Variants in PLXNB2 observed in about 807,000 individuals in gnomAD.
PLXNB2 encodes plexin B2.
PLXNB2 carries 85 observed loss-of-function variants against 202.6 expected under a neutral mutation model. That is an observed-to-expected ratio of 0.42 (90% CI 0.35 to 0.50). PLXNB2 has a LOEUF of 0.50. PLXNB2 is among the 20% of genes least tolerant of loss of function. The probability of loss-of-function intolerance (pLI) is 0.02; values close to 1 mark genes in which losing one functional copy is unlikely to be tolerated. For missense variants in PLXNB2, 2,063 were observed against 2,586.2 expected (o/e 0.80, Z 4.39); for synonymous variants, 1,239 against 1,137.6 (o/e 1.09, Z -1.79).
chr22:50,277,692 T>C lies in PLXNB2; in HGVS notation c.5095A>G (p.Ile1699Val), dbSNP rs747941915. 9.3e-6 allele frequency: 15 copies of C among 1,607,086 alleles called. No homozygotes were observed. The South Asian group carries it at 1.2e-4, about 13-fold the overall frequency. ...ACCTCGTGGACATGCACGTCAAAGATGAAGTGGGGGTTCTTGAGGATGTTC... is the reference window on the plus strand; with the variant it reads ...ACCTCGTGGACATGCACGTCAAAGACGAAGTGGGGGTTCTTGAGGATGTTC... ...WVNILKNPHF[I>V]FDVHVHEVVD... is the part of the protein sequence containing the mutation. The change falls in exon 33 of 37, where the codon ATC becomes GTC. Residue 1699 changes from isoleucine to valine, a missense_variant. By Grantham distance (29) the Ile-to-Val change is conservative. Around this residue, in one of 2 missense-constraint regions of PLXNB2, gnomAD observed 760 missense variants for 1,109.4 expected, o/e 0.69. Coordinates refer to ENST00000359337, the MANE Select transcript of PLXNB2 (RefSeq NM_012401.4).
At chr22:50,282,608 A>G in intron 18 of PLXNB2, 103 bp downstream of exon 18, 2 of 859,648 alleles carry the variant, frequency 2.3e-6, no homozygotes, top group Non-Finnish European at 3.5e-6. Context: ...CTCCCGCTGC[A>G]CAGACCAGCC....
chr22:50,276,368 AG>A (rs1418832749), intron 35 of PLXNB2, among the ~76,000 whole-genome samples: 6 of 57,202 alleles, frequency 1.0e-4, no homozygotes, highest in East Asian at 5.7e-4. Flanking sequence ...AGCCGCAGGG[AG>A]GGGGCGCTGT....
rs774236916 is a variant in PLXNB2, at chr22:50,291,035, G to A, written c.-13-438C>T. On this transcript the variant is annotated intron_variant, in intron 2 of 36. Transcript: ENST00000359337. This position sits in a 1 kb window ranked among gnomAD's most constrained non-coding sequence, Gnocchi z 4.3. The stretch of plus-strand genomic sequence containing the variant: ...GGCTCAGGCTGACAGACAGACCCCT[G>A]GACGTTGGAACAGGTGGCTCACCCA... Among the ~76,000 whole-genome samples the A allele has an allele frequency of 1.3e-5, 2 of 152,178 alleles. No individual in the cohort carries two copies. Among genetic ancestry groups the A allele is most frequent in the East Asian group, 1.9e-4 (1 of 5,198 alleles).
chr22:50,281,554 C>A lies in PLXNB2; in HGVS notation c.3522+12G>T. On this transcript the variant is annotated intron_variant, in intron 21 of 36. Coordinates refer to ENST00000359337, the MANE Select transcript of PLXNB2 (RefSeq NM_012401.4). ...CCGTGGGGGCACCCCCCGCCAGTCC[C>A]CGCTCACGCACAATGAACTCGGGCA... is the stretch of plus-strand genomic sequence containing the variant. The A allele has an allele frequency of 6.2e-7, 1 of 1,609,852 alleles. No individual in the cohort carries two copies. The highest frequency in any genetic ancestry group is 8.5e-7 in the Non-Finnish European group (1 of 1,178,062).
chr22:50,304,606 A>G (rs1163873093), intron 1 of PLXNB2, among the ~76,000 whole-genome samples: 1 of 152,094 alleles, frequency 6.6e-6, no homozygotes, highest in Admixed American at 6.5e-5. Flanking sequence ...GACCAGAAAG[A>G]GGGAAGCTAG....
At chr22:50,300,351 C>T (rs1182207055) in intron 1 of PLXNB2, 1 of 984,224 alleles carries the variant, frequency 1.0e-6, no homozygotes, top group Non-Finnish European at 1.2e-6. Flanking sequence ...GCGCGGGGAG[C>T]AGCTCCGCCC....
intron 1 of PLXNB2, among the ~76,000 whole-genome samples, 191 bp downstream of exon 1, chr22:50,307,362 C>A (rs957603951): frequency 2.2e-4 from 33 of 151,620 alleles, no homozygotes; most frequent in African/African-American, 8.0e-4. Context: ...GGGAGTGGGG[C>A]GGCAGCGGCC....
In PLXNB2 at chr22:50,275,568, G is replaced by A. The variant is rs551244523; in HGVS notation, c.*136C>T. 24 of 660,516 alleles carry A rather than the reference G, an allele frequency of 3.6e-5. No individual in the cohort carries two copies. Among genetic ancestry groups the A allele is most frequent in the South Asian group, 1.1e-4 (6 of 56,552 alleles). 40.9% of individuals were successfully genotyped at this position (660,516 alleles called of 1,614,324 possible). ...ACAGTCTAGACGCTGGGCGGGTTCC[G>A]GCTGCACCCACTCCGGCTTGGGGCG... On this transcript the variant is annotated 3_prime_UTR_variant, in exon 37 of 37. Transcript: ENST00000359337.
intron 1 of PLXNB2, chr22:50,301,249 C>G: frequency 3.5e-6 from 1 of 285,516 alleles, no homozygotes; most frequent in Non-Finnish European, 5.3e-6. Context: ...CTTTCGGGGT[C>G]CCAGACCCCA....
chr22:50,277,158 G>C (rs542813911), intron 33 of PLXNB2, among the ~76,000 whole-genome samples: 1 of 152,240 alleles, frequency 6.6e-6, no homozygotes, highest in South Asian at 2.1e-4. Flanking sequence ...AATACTAGCC[G>C]TGCGTTGTGG....
chr22:50,282,214 C>T lies in PLXNB2; in HGVS notation c.3087G>A (p.Pro1029=), dbSNP rs575306118. The T allele has an allele frequency of 3.2e-5, 52 of 1,611,642 alleles. No individual in the cohort carries two copies. Among genetic ancestry groups the T allele is most frequent in the East Asian group, 1.1e-4 (5 of 44,860 alleles). The change falls in exon 19 of 37, where the codon CCG becomes CCA. Residue 1029 remains proline (P), a synonymous_variant. Transcript: ENST00000359337. ...TGGGCTGCAGGGATTCAGCCTCCCGCGGCGGCTGCCAGGACTGCAGGGGCT... is the reference window on the plus strand; with the variant it reads ...TGGGCTGCAGGGATTCAGCCTCCCGTGGCGGCTGCCAGGACTGCAGGGGCT... ...IAEPLQSWQP[P]REAESLQPMT... is the part of the protein sequence containing the mutation.
At chr22:50,290,866 G>T (rs2066820960) in intron 2 of PLXNB2, among the ~76,000 whole-genome samples, 1 of 152,174 alleles carries the variant, frequency 6.6e-6, no homozygotes, top group Admixed American at 6.5e-5. Flanking sequence ...ATCCCTCCCG[G>T]AGGTGCTGAA....
rs770499253 is a variant in PLXNB2, at chr22:50,288,764, C to T, written c.1359G>A (p.Leu453=). 2 of 1,613,036 alleles carry T rather than the reference C, an allele frequency of 1.2e-6. No homozygotes were observed. Among genetic ancestry groups the T allele is most frequent in the Admixed American group, 1.7e-5 (1 of 60,022 alleles). The change falls in exon 5 of 37, where the codon CTG becomes CTA. Residue 453 remains leucine, a synonymous_variant. Coordinates refer to ENST00000359337, the MANE Select transcript of PLXNB2 (RefSeq NM_012401.4). The surrounding 1 kb of genome is among the most constrained non-coding windows in gnomAD (Gnocchi z 5.0). The stretch of plus-strand genomic sequence containing the variant: ...TCACCTTGTCCTGGGTCATGGCGTA[C>T]AGGCTGCCCAGGTCTCCAGACAGTA... The part of the protein sequence containing the change: ...DLVLSGDLGS[L]YAMTQDKVFR...
In PLXNB2 at chr22:50,293,586, G is replaced by A. The variant is rs544254477; in HGVS notation, c.-14+1133C>T. On this transcript the variant is annotated intron_variant, in intron 2 of 36. Transcript: ENST00000359337. ...GCAGCCTCAGCCAGGCGCAGCTCCCGGGAATGAATGGAATGCGCCCGCAGC... is the reference window on the plus strand; with the variant it reads ...GCAGCCTCAGCCAGGCGCAGCTCCCAGGAATGAATGGAATGCGCCCGCAGC... Among the ~76,000 whole-genome samples the A allele has an allele frequency of 3.6e-4, 55 of 152,340 alleles. No homozygotes were observed. In the East Asian group the frequency reaches 8.3e-3, roughly 23 times the overall value.
chr22:50,302,277 G>GAGT (rs2067732570), intron 1 of PLXNB2, among the ~76,000 whole-genome samples: 1 of 152,172 alleles, frequency 6.6e-6, no homozygotes, highest in Non-Finnish European at 1.5e-5. Flanking sequence ...AACACTCAGG[G>GAGT]CTTTGGGAGG....
chr22:50,295,638 G>GT (rs2067208392), intron 1 of PLXNB2, among the ~76,000 whole-genome samples: 1 of 152,154 alleles, frequency 6.6e-6, no homozygotes. Flanking sequence ...CCGCATGGTT[G>GT]GCTTTAGTGA....
At position 50,276,691 on chromosome 22, in the gene PLXNB2, T is replaced by C; in HGVS notation, c.5275A>G (p.Ile1759Val). 1 of 1,613,374 alleles carries C rather than the reference T, an allele frequency of 6.2e-7. No homozygotes were observed. Among genetic ancestry groups the C allele is most frequent in the South Asian group, 1.1e-5 (1 of 91,080 alleles). ...KKMVEDYYKG[I>V]RQMVQVSDQD... The stretch of plus-strand genomic sequence containing the variant: ...TCGCTGACCTGCACCATCTGCCGGA[T>C]CCCCTTGTAGTAACTGCAGGGGTGG... The change falls in exon 35 of 37, where the codon ATC becomes GTC. Residue 1759 changes from isoleucine (I) to valine (V), a missense_variant. This residue lies in a region of PLXNB2 where 760 missense variants were observed against 1,109.4 expected (regional missense o/e 0.69). Coordinates refer to ENST00000359337, the MANE Select transcript of PLXNB2 (RefSeq NM_012401.4).
rs751891014 is a variant in PLXNB2 at position 50,289,750 on chromosome 22, A to AGGT, written c.832_834dup (p.Thr278dup). On this transcript the variant is annotated inframe_insertion, in exon 3 of 37. Coordinates refer to ENST00000359337, the MANE Select transcript of PLXNB2 (RefSeq NM_012401.4). The surrounding 1 kb of genome is among the most constrained non-coding windows in gnomAD (Gnocchi z 8.0). ...GGCGCAGCCACGGAGGCGGCCAGGC[A>AGGT]GGTGCCAAAGGCAGCGGCGTGGATG... The AGGT allele has an allele frequency of 1.2e-6, 2 of 1,612,734 alleles. No individual in the cohort carries two copies. The highest frequency in any genetic ancestry group is 2.2e-5 in the East Asian group (1 of 44,880).
At chr22:50,300,411 C>T in intron 1 of PLXNB2, 1 of 729,934 alleles carries the variant, frequency 1.4e-6, no homozygotes, top group Non-Finnish European at 1.7e-6. Flanking sequence ...GGGCTCGGCC[C>T]CTCCCGGCCC....
Sources: gnomAD v4.1 joint callset for allele counts (sites outside exome capture counted in the v4.1 genomes callset) on GRCh38, gnomAD v4.1.1 for gene constraint, gnomAD v4.1.1 regional missense constraint, Gnocchi (gnomAD v3.1) non-coding constraint, MANE v1.5 for transcripts, NCBI Gene and HGNC (gene_info 2026-07-23, HGNC 2026-07-21) for gene names.